The following NME8 variants were observed in gnomAD, a reference collection of about 807,000 sequenced individuals.
NME8 encodes protein NME8.
A neutral mutation model predicts 82.3 loss-of-function variants in NME8; 72 were observed. The ratio of observed to expected loss-of-function variants is 0.87; its 90% CI spans 0.72 to 1.06. The LOEUF is 1.06. Among genes scored for constraint, NME8 ranks in the 50% least tolerant of loss-of-function variants. The probability of loss-of-function intolerance (pLI) is 0.00; values close to 1 mark genes in which losing one functional copy is unlikely to be tolerated. For synonymous variants in NME8, 267 were observed against 228.5 expected (o/e 1.17, Z -1.52); for missense variants, 712 against 685.4 (o/e 1.04, Z -0.43).
chr7:37,895,402 T>C lies in NME8; in HGVS notation c.1544+792T>C, dbSNP rs115269826. On this transcript the variant is annotated intron_variant, in intron 16 of 17. Coordinates refer to ENST00000199447, the MANE Select transcript of NME8 (RefSeq NM_016616.5). Reference sequence around the variant, plus strand: ...TAATAATAACTCTGTGAAGTAGTTTTACTAGAATTTCCACTTTGATTTTGA... The same window carrying C: ...TAATAATAACTCTGTGAAGTAGTTTCACTAGAATTTCCACTTTGATTTTGA... 8.8e-3 allele frequency among the ~76,000 whole-genome samples: 1,347 copies of C among 152,260 alleles called. 20 individuals carry two copies. The highest frequency in any genetic ancestry group is 0.031 in the African/African-American group (1,272 of 41,542).
intron 12 of NME8, among the ~76,000 whole-genome samples, chr7:37,882,388 G>A (rs1202640618): frequency 6.6e-6 from 1 of 151,992 alleles, no homozygotes; most frequent in Non-Finnish European, 1.5e-5. Context: ...TGGGGAGGCT[G>A]AGGCAGGAGA....
At chr7:37,886,305 C>A (rs1195542794) in intron 14 of NME8, among the ~76,000 whole-genome samples, 1 of 152,212 alleles carries the variant, frequency 6.6e-6, no homozygotes, top group Non-Finnish European at 1.5e-5. Context: ...CCAGTAGGCA[C>A]ACTGGTCTAG....
intron 12 of NME8, among the ~76,000 whole-genome samples, chr7:37,882,607 G>A (rs556481269): frequency 0.048 from 3,746 of 77,468 alleles, 164 homozygotes; most frequent in African/African-American, 0.12. Context: ...AAGAGAGAGA[G>A]AGAGAGAGAA....
rs200290963 is a variant in NME8, at chr7:37,864,362, A to G, written c.469A>G (p.Ile157Val). ...TTTTTTTCCAGAGGAATTATACAGT[A>G]TTGCTATTATCAAACCGGATGCTGT... is the stretch of plus-strand genomic sequence containing the variant. ...PCESVQELYS[I>V]AIIKPDAVIS... Residue 157 changes from isoleucine to valine, a missense_variant, in exon 9 of 18, where the codon ATT (isoleucine) becomes GTT (valine). Ile to Val is a conservative substitution (Grantham distance 29). Coordinates refer to ENST00000199447, the MANE Select transcript of NME8 (RefSeq NM_016616.5). 28 of 1,592,522 alleles carry G rather than the reference A, an allele frequency of 1.8e-5. No homozygotes were observed. The African/African-American group carries it at 3.2e-4, about 18-fold the overall frequency.
intron 5 of NME8, among the ~76,000 whole-genome samples, chr7:37,851,820 C>A (rs2131938659): frequency 6.6e-6 from 1 of 152,256 alleles, no homozygotes; most frequent in East Asian, 1.9e-4. Context: ...CTCTGAAATA[C>A]ATAGTTCCTA....
At chr7:37,885,653 C>T (rs935766) in intron 14 of NME8, among the ~76,000 whole-genome samples, 71,196 of 151,926 alleles carry the variant, frequency 0.47, 17,125 homozygotes, top group East Asian at 0.74. Flanking sequence ...CTCTACAATT[C>T]AGGGGGAACA....
chr7:37,888,166 A>G, intron 14 of NME8, 111 bp from the exon 15 acceptor site: 2 of 1,100,522 alleles, frequency 1.8e-6, no homozygotes, highest in Non-Finnish European at 1.4e-6. Flanking sequence ...CACAGTGTCA[A>G]GATCTGGAAT....
At chr7:37,894,905 CT>C (rs1785197932) in intron 16 of NME8, among the ~76,000 whole-genome samples, 1 of 148,770 alleles carries the variant, frequency 6.7e-6, no homozygotes, top group South Asian at 2.1e-4. Flanking sequence ...TTTTCCTTTC[CT>C]TTCCTTCCTT....
Position 37,862,118 on chromosome 7 carries a change from G to A in NME8, c.361G>A (p.Ala121Thr). 3 of 1,612,972 alleles carry A rather than the reference G, an allele frequency of 1.9e-6. No individual in the cohort carries two copies. Among genetic ancestry groups the A allele is most frequent in the Non-Finnish European group, 2.5e-6 (3 of 1,179,098 alleles). ...INLIDEERKI[A>T]AGEMARPQYP... Reference sequence around the variant, plus strand: ...TTTGATCGATGAGGAGAGAAAAATTGCAGCAGGTGAAATGGCTCGACCTCA... The same window carrying A: ...TTTGATCGATGAGGAGAGAAAAATTACAGCAGGTGAAATGGCTCGACCTCA... The change falls in exon 7 of 18, where the codon GCA becomes ACA. Residue 121 changes from alanine (A) to threonine (T), a missense_variant. Physicochemically the swap from Ala to Thr is moderately conservative, Grantham distance 58 (BLOSUM62 0). Transcript: ENST00000199447.
chr7:37,857,167 C>A, intron 5 of NME8, 107 bp from the exon 6 acceptor site: 1 of 839,204 alleles, frequency 1.2e-6, no homozygotes, highest in Non-Finnish European at 1.9e-6. Flanking sequence ...CCGAATGTTG[C>A]AGTAAACCTA....
intron 11 of NME8, among the ~76,000 whole-genome samples, chr7:37,872,935 CCAGA>C (rs778650470): frequency 6.6e-6 from 1 of 152,174 alleles, no homozygotes; most frequent in African/African-American, 2.4e-5. Flanking sequence ...CACACTGTGT[CCAGA>C]CAGACAGAGT....
At position 37,876,235 on chromosome 7, in the gene NME8, T is replaced by TAGAA. The variant is rs1562835692; in HGVS notation, c.819-594_819-593insAAGA. Among the ~76,000 whole-genome samples, 751 of 83,718 alleles carry TAGAA rather than the reference T, an allele frequency of 9.0e-3. 23 individuals are homozygous for TAGAA. In the East Asian group the frequency reaches 0.16, roughly 18 times the overall value. 54.9% of individuals were successfully genotyped at this position (83,718 alleles called of 152,430 possible). On this transcript the variant is annotated intron_variant, in intron 11 of 17. Coordinates refer to ENST00000199447, the MANE Select transcript of NME8 (RefSeq NM_016616.5). ...AAAACACTATATATATATATATAGATAGATAGATAGATAGATAGATAGATA... is the reference window on the plus strand; with the variant it reads ...AAAACACTATATATATATATATAGATAGAAAGATAGATAGATAGATAGATAGATA...
At chr7:37,853,758 A>G (rs1784470497) in intron 5 of NME8, among the ~76,000 whole-genome samples, 2 of 152,210 alleles carry the variant, frequency 1.3e-5, no homozygotes, top group Admixed American at 1.3e-4. Flanking sequence ...GTAGGTCCAA[A>G]ATTAAAATGT....
chr7:37,884,044 CTG>C (rs144445660), intron 12 of NME8, among the ~76,000 whole-genome samples: 1 of 151,424 alleles, frequency 6.6e-6, no homozygotes, highest in African/African-American at 2.4e-5. Flanking sequence ...AATGAGATAC[CTG>C]TGTGTGTGTG....
chr7:37,884,661 C>A (rs913094312), intron 13 of NME8, among the ~76,000 whole-genome samples: 5 of 152,174 alleles, frequency 3.3e-5, no homozygotes, highest in Admixed American at 6.5e-5. Context: ...GTAGGAAGGT[C>A]TCAGAGGAAG....
chr7:37,884,671 GT>G (rs1369061008), intron 13 of NME8, among the ~76,000 whole-genome samples: 1 of 152,208 alleles, frequency 6.6e-6, no homozygotes, highest in Non-Finnish European at 1.5e-5. Context: ...CTCAGAGGAA[GT>G]TACTGGAGTC....
At chr7:37,896,020 T>C (rs1562843855) in intron 16 of NME8, among the ~76,000 whole-genome samples, 1 of 152,088 alleles carries the variant, frequency 6.6e-6, no homozygotes, top group South Asian at 2.1e-4. Context: ...GGTACATGAC[T>C]GTACATACAC....
chr7:37,865,684 C>T, intron 10 of NME8, 67 bp downstream of exon 10: 1 of 1,110,872 alleles, frequency 9.0e-7, no homozygotes, highest in Non-Finnish European at 1.4e-6. Context: ...AGCTTTAAAT[C>T]TTTATTACAG....
intron 15 of NME8, among the ~76,000 whole-genome samples, chr7:37,890,462 C>G (rs980944269): frequency 6.6e-6 from 1 of 151,832 alleles, no homozygotes. Context: ...TCAAAGTCTC[C>G]TCTTCTACCT....
Sources: gnomAD v4.1 joint callset for allele counts (sites outside exome capture counted in the v4.1 genomes callset) on GRCh38, gnomAD v4.1.1 for gene constraint, MANE v1.5 for transcripts, NCBI Gene and HGNC (gene_info 2026-07-23, HGNC 2026-07-21) for gene names.